The following PER3 variants were observed in gnomAD, a reference collection of about 807,000 sequenced individuals.
PER3 encodes period circadian protein homolog 3.
Under a neutral mutation model 127.2 loss-of-function variants are expected in PER3, and 107 were observed. That is an observed-to-expected ratio of 0.84 (90% CI 0.72 to 0.99). The LOEUF (loss-of-function observed/expected upper bound fraction) is 0.99, where lower values mean the gene tolerates loss of function less well. Among genes scored for constraint, PER3 ranks in the 50% least tolerant of loss-of-function variants. The pLI is 0.00. For missense variants in PER3, 1,560 were observed against 1,525.8 expected (o/e 1.02, Z -0.37); for synonymous variants, 618 against 585.8 (o/e 1.05, Z -0.79).
chr1:7,810,538 C>A lies in PER3; in HGVS notation c.1472C>A (p.Thr491Lys). 6.2e-7 allele frequency: 1 copy of A among 1,613,662 alleles called. No individual in the cohort carries two copies. Among genetic ancestry groups the A allele is most frequent in the Non-Finnish European group, 8.5e-7 (1 of 1,179,972 alleles). The change falls in exon 13 of 22, where the codon ACG becomes AAG. Residue 491 changes from threonine (T) to lysine (K), a missense_variant. Transcript: ENST00000377532. ...SMTKSSFKPV[T>K]GTRTEPNGGG... Reference sequence around the variant, plus strand: ...ACCAAATCATCATTCAAGCCAGTGACGGGGACACGCACAGAACCGAATGGT... The same window carrying A: ...ACCAAATCATCATTCAAGCCAGTGAAGGGGACACGCACAGAACCGAATGGT...
At chr1:7,809,611 T>C (rs1228275530) in intron 11 of PER3, among the ~76,000 whole-genome samples, 2 of 152,182 alleles carry the variant, frequency 1.3e-5, no homozygotes, top group South Asian at 2.1e-4. Context: ...TAGAGTTTAT[T>C]TTCCTGTTTT....
chr1:7,810,156 G>T (rs899335873), intron 12 of PER3, 135 bp downstream of exon 12: 3 of 974,830 alleles, frequency 3.1e-6, no homozygotes, highest in South Asian at 3.5e-5. Context: ...CATCCATTTT[G>T]GTTTGGAAAA....
Position 7,820,114 on chromosome 1 carries a change from G to C in PER3, c.1659-1G>C. On this transcript the variant is annotated splice_acceptor_variant, in intron 14 of 21. Coordinates refer to ENST00000377532, the MANE Select transcript of PER3 (RefSeq NM_001377275.1). LOFTEE classifies it high-confidence loss of function. ...TGTGTGGCCTAATTATGTTGTTACAGATACCTGAAGAGCTACAACATTCCA... is the reference window on the plus strand; with the variant it reads ...TGTGTGGCCTAATTATGTTGTTACACATACCTGAAGAGCTACAACATTCCA... 5 of 1,612,794 alleles carry C rather than the reference G, an allele frequency of 3.1e-6. No homozygotes were observed. The highest frequency in any genetic ancestry group is 4.2e-6 in the Non-Finnish European group (5 of 1,179,480).
chr1:7,816,601 C>CA (rs900692322), intron 13 of PER3, among the ~76,000 whole-genome samples: 17 of 151,596 alleles, frequency 1.1e-4, no homozygotes, highest in South Asian at 2.1e-4. Context: ...AGTCATTAGA[C>CA]AAAAAAAATG....
chr1:7,836,858 A>C (rs371705969), intron 20 of PER3, 141 bp from the exon 21 acceptor site: 19 of 527,340 alleles, frequency 3.6e-5, no homozygotes, highest in African/African-American at 9.4e-5. Context: ...GAAATGATCT[A>C]GTTATTTTTT....
chr1:7,813,110 A>G (rs2097228200), intron 13 of PER3, among the ~76,000 whole-genome samples: 1 of 152,236 alleles, frequency 6.6e-6, no homozygotes, highest in African/African-American at 2.4e-5. Context: ...ATGAGTTAAT[A>G]TGGGAGGGCA....
intron 7 of PER3, among the ~76,000 whole-genome samples, chr1:7,800,776 G>A (rs1486424128): frequency 1.3e-5 from 2 of 148,398 alleles, no homozygotes; most frequent in African/African-American, 5.0e-5. Context: ...GCAATGAGCC[G>A]AGATCATGCC....
At chr1:7,816,908 A>C (rs1291508930) in intron 13 of PER3, among the ~76,000 whole-genome samples, 1 of 152,242 alleles carries the variant, frequency 6.6e-6, no homozygotes, top group Non-Finnish European at 1.5e-5. Flanking sequence ...ACACAGAAAC[A>C]ACCCAAATGT....
At chr1:7,823,005 C>T (rs1262521992) in intron 16 of PER3, among the ~76,000 whole-genome samples, 4 of 152,122 alleles carry the variant, frequency 2.6e-5, no homozygotes, top group Non-Finnish European at 5.9e-5. Flanking sequence ...ATCTTGGGTT[C>T]GTTGCTACAG....
At chr1:7,785,338 G>C in intron 2 of PER3, 103 bp from the exon 3 acceptor site, 1 of 881,236 alleles carries the variant, frequency 1.1e-6, no homozygotes, top group African/African-American at 1.7e-5. Flanking sequence ...ACTGATGCCG[G>C]TAGAGCACTT....
At position 7,784,994 on chromosome 1, in the gene PER3, C is replaced by A; in HGVS notation, c.117C>A (p.Asp39Glu). 6.4e-7 allele frequency: 1 copy of A among 1,567,726 alleles called. No individual in the cohort carries two copies. Among genetic ancestry groups the A allele is most frequent in the Non-Finnish European group, 8.6e-7 (1 of 1,164,006 alleles). The change falls in exon 2 of 22, where the codon GAC (aspartate) becomes GAA (glutamate). Residue 39 changes from aspartate (D) to glutamate (E), a missense_variant. Around this residue, in one of 3 missense-constraint regions of PER3, gnomAD observed 1,332 missense variants for 1,223.6 expected, o/e 1.09. Transcript: ENST00000377532. ...PEFHLQRKLADSSHSEQQDRN... is the reference protein window; with the variant it reads ...PEFHLQRKLAESSHSEQQDRN... ...TCCATCTGCAGAGGAAATTGGCGGACAGCAGCCACAGGTGACGCGCTGGCT... is the reference window on the plus strand; with the variant it reads ...TCCATCTGCAGAGGAAATTGGCGGAAAGCAGCCACAGGTGACGCGCTGGCT...
At chr1:7,832,206 G>A (rs189972539) in intron 19 of PER3, among the ~76,000 whole-genome samples, 1 of 151,636 alleles carries the variant, frequency 6.6e-6, no homozygotes. Flanking sequence ...ATGTCTGTAG[G>A]TTTTATAGTA....
At position 7,820,469 on chromosome 1, in the gene PER3, G is replaced by T. The variant is rs773422182; in HGVS notation, c.1786G>T (p.Gly596Cys). 1 of 1,608,308 alleles carries T rather than the reference G, an allele frequency of 6.2e-7. No individual in the cohort carries two copies. Among genetic ancestry groups the T allele is most frequent in the South Asian group, 1.1e-5 (1 of 89,682 alleles). The change falls in exon 16 of 22, where the codon GGT (glycine) becomes TGT (cysteine). Residue 596 changes from glycine (G) to cysteine (C), a missense_variant and splice_region_variant. Around this residue, in one of 3 missense-constraint regions of PER3, gnomAD observed 1,332 missense variants for 1,223.6 expected, o/e 1.09. Transcript: ENST00000377532. ...KADDVQALQA[G>C]LQIPAIPKSE... is the part of the protein sequence containing the mutation. Reference sequence around the variant, plus strand: ...GTCAGTTTCTCTTACACCACCAGCTGGTTTGCAAATCCCAGCCATACCTAA... The same window carrying T: ...GTCAGTTTCTCTTACACCACCAGCTTGTTTGCAAATCCCAGCCATACCTAA...
intron 13 of PER3, chr1:7,810,820 A>G: frequency 8.8e-6 from 3 of 340,818 alleles, no homozygotes; most frequent in Non-Finnish European, 1.6e-5. Flanking sequence ...GTTGCAGTTC[A>G]CTTTTACTGA....
At chr1:7,830,284 T>G in intron 19 of PER3, 123 bp downstream of exon 19, 1 of 853,206 alleles carries the variant, frequency 1.2e-6, no homozygotes, top group Non-Finnish European at 1.8e-6. Flanking sequence ...TTTTTCCCTT[T>G]TTCCTTTTTG....
chr1:7,809,760 T>G, intron 11 of PER3, 133 bp from the exon 12 acceptor site: 2 of 820,470 alleles, frequency 2.4e-6, no homozygotes, highest in Admixed American at 6.2e-5. Flanking sequence ...GCATTAAAAG[T>G]ACCAACCTGC....
Position 7,798,530 on chromosome 1 carries a change from G to A in PER3, c.650G>A (p.Gly217Asp), listed in dbSNP as rs1403669680. The A allele has an allele frequency of 1.9e-6, 3 of 1,613,452 alleles. No homozygotes were observed. In the African/African-American group the frequency reaches 4.0e-5, roughly 22 times the overall value. The change falls in exon 7 of 22, where the codon GGT becomes GAT. Residue 217 changes from glycine (G) to aspartate (D), a missense_variant. Physicochemically the swap from Gly to Asp is moderately conservative, Grantham distance 94 (BLOSUM62 -1). Coordinates refer to ENST00000377532, the MANE Select transcript of PER3 (RefSeq NM_001377275.1). ...VKPFFCRIRGGEDRKQEKCHS... is the reference protein window; with the variant it reads ...VKPFFCRIRGDEDRKQEKCHS... ...AATATCTTTAATCTCCTCAGTGGAGGTGAAGACAGAAAGCAAGAGAAGTGT... is the reference window on the plus strand; with the variant it reads ...AATATCTTTAATCTCCTCAGTGGAGATGAAGACAGAAAGCAAGAGAAGTGT...
At chr1:7,824,102 T>A (rs2097290496) in intron 16 of PER3, among the ~76,000 whole-genome samples, 1 of 152,156 alleles carries the variant, frequency 6.6e-6, no homozygotes, top group African/African-American at 2.4e-5. Context: ...TATAGCATAC[T>A]AAAATGTATG....
At chr1:7,788,608 A>T (rs1268535414) in intron 5 of PER3, 1 of 205,300 alleles carries the variant, frequency 4.9e-6, no homozygotes, top group Non-Finnish European at 1.0e-5. Flanking sequence ...TTGGAGATAA[A>T]ATTTGGATCA....
Sources: gnomAD v4.1 joint callset for allele counts (sites outside exome capture counted in the v4.1 genomes callset) on GRCh38, gnomAD v4.1.1 for gene constraint, gnomAD v4.1.1 regional missense constraint, MANE v1.5 for transcripts, NCBI Gene and HGNC (gene_info 2026-07-23, HGNC 2026-07-21) for gene names.